The following TRIM61 variants were observed in gnomAD, a reference collection of about 807,000 sequenced individuals.
TRIM61 encodes the protein putative tripartite motif-containing protein 61.
Under a neutral mutation model 14.2 loss-of-function variants are expected in TRIM61, and 1 was observed. The observed-to-expected ratio is 0.07, with a 90% CI of 0.03 to 0.33. TRIM61 has a LOEUF of 0.33. Among genes scored for constraint, TRIM61 ranks in the 10% least tolerant of loss-of-function variants. TRIM61 has a pLI of 0.99. For missense variants in TRIM61, 19 were observed against 202.2 expected, an observed-to-expected ratio of 0.09 and a Z score of 5.49; for synonymous variants, 8 against 71.6, an observed-to-expected ratio of 0.11 and a Z score of 4.49.
At chr4:164,972,080 T>C (rs1732380188) in intron 2 of TRIM61, among the ~76,000 whole-genome samples, 1 of 152,192 alleles carries the variant, frequency 6.6e-6, no homozygotes, top group Non-Finnish European at 1.5e-5. Flanking sequence ...AACTTAAAGT[T>C]TTAATTCAGT....
chr4:164,966,318 A>G (rs1355048115), intron 3 of TRIM61, among the ~76,000 whole-genome samples: 1 of 152,238 alleles, frequency 6.6e-6, no homozygotes, highest in Non-Finnish European at 1.5e-5. Context: ...TGAAATAATC[A>G]AAATAAATGT....
intron 2 of TRIM61, among the ~76,000 whole-genome samples, chr4:164,975,548 G>C (rs947900120): frequency 5.9e-5 from 9 of 152,194 alleles, no homozygotes; most frequent in Non-Finnish European, 1.2e-4. Flanking sequence ...AACATGTGTT[G>C]TATAAAATCA....
chr4:164,966,073 G>C (rs1732233052), intron 3 of TRIM61, among the ~76,000 whole-genome samples: 2 of 152,328 alleles, frequency 1.3e-5, no homozygotes, highest in South Asian at 4.1e-4. Context: ...ATGTGCCTGT[G>C]TTGCAGATGA....
chr4:164,976,351 C>A (rs4511961), intron 2 of TRIM61, among the ~76,000 whole-genome samples: 46,941 of 151,956 alleles, frequency 0.31, 7,437 homozygotes, highest in Admixed American at 0.39. Context: ...CTAGAAATAC[C>A]CACAGGTGTG....
At position 164,976,681 on chromosome 4, in the gene TRIM61, A is replaced by G. The variant is rs1277867198; in HGVS notation, c.-338+7T>C. 2.6e-5 allele frequency: 4 copies of G among 152,166 alleles called. No homozygotes were observed. The East Asian group carries it at 7.7e-4, about 29-fold the overall frequency. The allele number at this position is 152,166 out of a possible 1,614,324, so 9.4% of individuals were successfully genotyped here. ...ATTACTTTATGGAAGCAATTCTCAA[A>G]TCTTACCTTGCATTATAATCACCTG... On this transcript the variant is annotated splice_region_variant and intron_variant, in intron 2 of 4. Coordinates refer to ENST00000329314, the MANE Select transcript of TRIM61 (RefSeq NM_001012414.3).
intron 3 of TRIM61, among the ~76,000 whole-genome samples, chr4:164,965,534 A>G (rs1430034043): frequency 6.7e-6 from 1 of 148,898 alleles, no homozygotes; most frequent in Non-Finnish European, 1.5e-5. Context: ...CCTGGGTTCA[A>G]GTGATTCTCC....
At chr4:164,961,173 AAAAAAAAAAAAAAAAAAAAAG>A (rs1732128078) in intron 3 of TRIM61, among the ~76,000 whole-genome samples, 4 of 100,018 alleles carry the variant, frequency 4.0e-5, no homozygotes, top group African/African-American at 1.0e-4. Context: ...AAAAAAAAAA[AAAAAAAAAAAAAAAAAAAAAG>A]AAAGAAAAAT....
intron 3 of TRIM61, chr4:164,968,371 GTA>G (rs1732286514): frequency 2.1e-6 from 2 of 972,226 alleles, no homozygotes; most frequent in South Asian, 9.5e-5. Context: ...TATGTTTCAA[GTA>G]TTTTACTGTA....
In TRIM61 at chr4:164,976,336, C is replaced by T. The variant is rs1179185347; in HGVS notation, c.-338+352G>A. ...TTTCTTTTCTCAGTCTCTCGTCCCA[C>T]CCGACTAGAAATACCCACAGGTGTG... On this transcript the variant is annotated intron_variant, in intron 2 of 4. Transcript: ENST00000329314. 5.3e-5 allele frequency among the ~76,000 whole-genome samples: 8 copies of T among 152,164 alleles called. No homozygotes were observed. In the South Asian group the frequency reaches 6.2e-4, roughly 12 times the overall value.
chr4:164,967,582 T>C (rs1250519858), intron 3 of TRIM61, among the ~76,000 whole-genome samples: 1 of 152,170 alleles, frequency 6.6e-6, no homozygotes, highest in Non-Finnish European at 1.5e-5. Flanking sequence ...AGTATGTGTG[T>C]GTGTGGCAGA....
At chr4:164,959,968 T>C (rs1732097641) in intron 3 of TRIM61, among the ~76,000 whole-genome samples, 1 of 152,092 alleles carries the variant, frequency 6.6e-6, no homozygotes, top group Non-Finnish European at 1.5e-5. Context: ...AGGTAATTGG[T>C]CAAAATGAGG....
chr4:164,955,306 A>T (rs1731958735), intron 3 of TRIM61, among the ~76,000 whole-genome samples: 1 of 152,134 alleles, frequency 6.6e-6, no homozygotes. Context: ...ACTGTTCTGC[A>T]TAATCAGCAT....
At chr4:164,971,249 C>A (rs1014069191) in intron 2 of TRIM61, among the ~76,000 whole-genome samples, 1 of 152,102 alleles carries the variant, frequency 6.6e-6, no homozygotes, top group African/African-American at 2.4e-5. Flanking sequence ...TATCTATATA[C>A]TGATGCACAG....
chr4:164,959,459 A>G lies in TRIM61; in HGVS notation c.526-4363T>C, dbSNP rs915342222. Among the ~76,000 whole-genome samples the G allele has an allele frequency of 1.1e-4, 17 of 151,910 alleles. No individual in the cohort carries two copies. The East Asian group carries it at 1.2e-3, about 10-fold the overall frequency. On this transcript the variant is annotated intron_variant, in intron 3 of 4. Coordinates refer to ENST00000329314, the MANE Select transcript of TRIM61 (RefSeq NM_001012414.3). ...GTATCACCAGGTAGTTCCCTGAAAA[A>G]GGGGACTTGGAAGATGTGCCAGTCA...
chr4:164,956,571 T>G (rs572262580), intron 3 of TRIM61, among the ~76,000 whole-genome samples: 6 of 152,324 alleles, frequency 3.9e-5, no homozygotes, highest in South Asian at 4.2e-4. Context: ...ATTTCATTAT[T>G]TATTCCCTAA....
chr4:164,969,000 G>A, intron 3 of TRIM61: 1 of 1,035,252 alleles, frequency 9.7e-7, no homozygotes, highest in Non-Finnish European at 1.2e-6. Context: ...GCTGGGAGGA[G>A]ATAAAATCTT....
intron 3 of TRIM61, among the ~76,000 whole-genome samples, chr4:164,960,550 G>C (rs540551225): frequency 0.012 from 1,486 of 128,940 alleles, 11 homozygotes; most frequent in Middle Eastern, 0.022. Flanking sequence ...GTAAGACTCT[G>C]TCTCAAAAAA....
At chr4:164,967,296 G>C (rs1387717377) in intron 3 of TRIM61, among the ~76,000 whole-genome samples, 1 of 152,098 alleles carries the variant, frequency 6.6e-6, no homozygotes, top group Admixed American at 6.5e-5. Context: ...AATTTTCTCC[G>C]TATTAATCTA....
intron 2 of TRIM61, among the ~76,000 whole-genome samples, chr4:164,973,966 C>T (rs991072497): frequency 6.6e-5 from 10 of 152,272 alleles, no homozygotes; most frequent in African/African-American, 2.2e-4. Flanking sequence ...GTCAGCAGTT[C>T]GAGAACCAGC....
Sources: allele counts gnomAD v4.1 joint callset (sites outside exome capture counted in the v4.1 genomes callset), GRCh38; gene constraint gnomAD v4.1.1; transcripts MANE v1.5; gene names NCBI Gene and HGNC (gene_info 2026-07-23, HGNC 2026-07-21).